ADRA1B: variants seen among roughly 807,000 people sequenced by gnomAD.
ADRA1B encodes alpha-1B adrenergic receptor.
A neutral mutation model predicts 17.9 loss-of-function variants in ADRA1B; 17 were observed. The ratio of observed to expected loss-of-function variants is 0.95; its 90% CI spans 0.65 to 1.42. The LOEUF is 1.42. ADRA1B is among the 40% of genes most tolerant of loss of function. ADRA1B has a pLI of 0.00. For synonymous variants in ADRA1B, 366 were observed against 327.6 expected (o/e 1.12, Z -1.27); for missense variants, 681 against 722.1 (o/e 0.94, Z 0.65).
At chr5:159,948,213 GTCC>G in intron 1 of ADRA1B, 1 of 985,430 alleles carries the variant, frequency 1.0e-6, no homozygotes, top group South Asian at 4.7e-5. Context: ...GGCTTCTGGA[GTCC>G]TCCTGCATTA....
intron 1 of ADRA1B, among the ~76,000 whole-genome samples, chr5:159,881,692 TC>T (rs5872621): frequency 0.012 from 1,882 of 152,268 alleles, 39 homozygotes; most frequent in African/African-American, 0.042. Flanking sequence ...GAGGGAAGAA[TC>T]TTTGGGAAGG....
At chr5:159,961,515 T>C (rs1330863471) in intron 1 of ADRA1B, among the ~76,000 whole-genome samples, 1 of 152,254 alleles carries the variant, frequency 6.6e-6, no homozygotes, top group Non-Finnish European at 1.5e-5. Context: ...CAAGGAAACC[T>C]TCTTTTACAA....
chr5:159,876,707 G>A (rs964063437), intron 1 of ADRA1B, among the ~76,000 whole-genome samples: 9 of 152,184 alleles, frequency 5.9e-5, no homozygotes, highest in African/African-American at 2.2e-4. Flanking sequence ...CTGTTAGAGT[G>A]GCTCTGTGTT....
intron 1 of ADRA1B, among the ~76,000 whole-genome samples, chr5:159,944,376 T>C (rs1359640567): frequency 2.0e-5 from 3 of 152,196 alleles, no homozygotes; most frequent in Admixed American, 6.5e-5. Context: ...ACAAATTCCA[T>C]CTGCAGTGCC....
chr5:159,933,195 T>G (rs984450892), intron 1 of ADRA1B, among the ~76,000 whole-genome samples: 5 of 152,220 alleles, frequency 3.3e-5, no homozygotes, highest in Non-Finnish European at 7.3e-5. Context: ...TTTTCATATG[T>G]TTAAAATAAT....
At chr5:159,895,718 T>C (rs745901587) in intron 1 of ADRA1B, among the ~76,000 whole-genome samples, 1 of 152,254 alleles carries the variant, frequency 6.6e-6, no homozygotes, top group Non-Finnish European at 1.5e-5. Context: ...TCCAAAGCTC[T>C]CTGCAGTCCA....
intron 1 of ADRA1B, among the ~76,000 whole-genome samples, chr5:159,945,592 C>A (rs1427135154): frequency 6.6e-6 from 1 of 152,048 alleles, no homozygotes; most frequent in Non-Finnish European, 1.5e-5. Flanking sequence ...AGAGAGGTGG[C>A]AGATGATGTC....
intron 1 of ADRA1B, among the ~76,000 whole-genome samples, chr5:159,872,115 T>C (rs1753749039): frequency 6.6e-6 from 1 of 152,238 alleles, no homozygotes; most frequent in Non-Finnish European, 1.5e-5. Flanking sequence ...AATAATCTTA[T>C]AAGATTAAAA....
At chr5:159,920,994 G>C (rs370573571) in intron 1 of ADRA1B, among the ~76,000 whole-genome samples, 17 of 152,300 alleles carry the variant, frequency 1.1e-4, no homozygotes, top group African/African-American at 3.9e-4. Flanking sequence ...GATTTCCATA[G>C]CTGTGTTTGT....
intron 1 of ADRA1B, among the ~76,000 whole-genome samples, chr5:159,944,553 AGAT>A (rs1755218837): frequency 6.6e-6 from 1 of 152,248 alleles, no homozygotes; most frequent in Non-Finnish European, 1.5e-5. Context: ...CACTAATAAA[AGAT>A]GATTGCTTGC....
intron 1 of ADRA1B, among the ~76,000 whole-genome samples, chr5:159,893,076 G>A (rs745596005): frequency 1.3e-5 from 2 of 152,176 alleles, no homozygotes; most frequent in East Asian, 1.9e-4. Flanking sequence ...TGTATTTTAC[G>A]AGCATTATTT....
chr5:159,925,889 TG>T (rs1419349150), intron 1 of ADRA1B, among the ~76,000 whole-genome samples: 1 of 152,142 alleles, frequency 6.6e-6, no homozygotes, highest in Non-Finnish European at 1.5e-5. Context: ...GTGGCCATGG[TG>T]GGGGCATTGC....
intron 1 of ADRA1B, among the ~76,000 whole-genome samples, chr5:159,955,523 T>C (rs1006598181): frequency 6.6e-5 from 10 of 152,136 alleles, no homozygotes; most frequent in African/African-American, 2.4e-4. Flanking sequence ...TACCATCTGA[T>C]TCCCCAAGGC....
At position 159,972,368 on chromosome 5, in the gene ADRA1B, C is replaced by T. The variant is rs1362356712; in HGVS notation, c.1439C>T (p.Thr480Ile). 2.5e-5 allele frequency: 38 copies of T among 1,512,430 alleles called. No homozygotes were observed. Among genetic ancestry groups the T allele is most frequent in the Non-Finnish European group, 2.7e-5 (31 of 1,136,814 alleles). The allele number at this position is 1,512,430 out of a possible 1,614,324, so 93.7% of individuals were successfully genotyped here. A position where few individuals can be genotyped will look rare whatever the true frequency, so the allele number is the denominator to read the frequency against. ...SGPLFTFKLL[T>I]EPESPGTDGG... Reference sequence around the variant, plus strand: ...CCGCTCTTCACCTTCAAGCTCCTGACCGAGCCCGAGAGCCCCGGGACCGAC... The same window carrying T: ...CCGCTCTTCACCTTCAAGCTCCTGATCGAGCCCGAGAGCCCCGGGACCGAC... The change falls in exon 2 of 2, where the codon ACC becomes ATC. Residue 480 changes from threonine (T) to isoleucine (I), a missense_variant. Coordinates refer to ENST00000306675, the MANE Select transcript of ADRA1B (RefSeq NM_000679.4).
chr5:159,949,200 A>G (rs1397537394), intron 1 of ADRA1B, among the ~76,000 whole-genome samples: 1 of 152,218 alleles, frequency 6.6e-6, no homozygotes, highest in Admixed American at 6.5e-5. Context: ...CCCTCAATGT[A>G]TGAATGCCCA....
intron 1 of ADRA1B, among the ~76,000 whole-genome samples, chr5:159,881,992 G>A (rs1350265746): frequency 6.6e-6 from 1 of 152,130 alleles, no homozygotes; most frequent in South Asian, 2.1e-4. Context: ...TGGCTCCTTA[G>A]CATCTTGTCA....
intron 1 of ADRA1B, chr5:159,871,043 T>G (rs1326126637): frequency 2.6e-5 from 4 of 151,738 alleles, no homozygotes; most frequent in South Asian, 2.1e-4. Flanking sequence ...TGAGGAGGAG[T>G]AGTTGTGGCC....
intron 1 of ADRA1B, among the ~76,000 whole-genome samples, chr5:159,927,776 A>G (rs905161122): frequency 6.6e-5 from 10 of 152,096 alleles, no homozygotes; most frequent in Admixed American, 5.9e-4. Flanking sequence ...GACGTCCAAT[A>G]GTACACCAGT....
intron 1 of ADRA1B, among the ~76,000 whole-genome samples, chr5:159,904,268 C>T (rs1437588670): frequency 1.3e-5 from 2 of 152,214 alleles, no homozygotes; most frequent in African/African-American, 4.8e-5. Context: ...CTTGCCTGGC[C>T]TCAGTTTCCC....
Sources: gnomAD v4.1 joint callset for allele counts (sites outside exome capture counted in the v4.1 genomes callset) on GRCh38, gnomAD v4.1.1 for gene constraint, MANE v1.5 for transcripts, NCBI Gene and HGNC (gene_info 2026-07-23, HGNC 2026-07-21) for gene names.